The following ADAMTSL3 variants were observed in gnomAD, a reference collection of about 807,000 sequenced individuals.
The protein encoded by ADAMTSL3 is ADAMTS like 3.
A neutral mutation model predicts 201.7 loss-of-function variants in ADAMTSL3; 128 were observed. The observed-to-expected ratio is 0.63, with a 90% CI of 0.55 to 0.73. ADAMTSL3 has a LOEUF of 0.73. Among genes scored for constraint, ADAMTSL3 ranks in the 30% least tolerant of loss-of-function variants. The pLI is 0.00. For missense variants in ADAMTSL3, 1,990 were observed against 2,119.6 expected (o/e 0.94, Z 1.20); for synonymous variants, 738 against 748.4 (o/e 0.99, Z 0.23).
rs958694777 is a variant in ADAMTSL3, at chr15:84,037,935, T to C, written c.*129T>C. The C allele has an allele frequency of 7.4e-7, 1 of 1,347,032 alleles. No individual in the cohort carries two copies. Among genetic ancestry groups the C allele is most frequent in the Non-Finnish European group, 9.8e-7 (1 of 1,022,980 alleles). The allele number at this position is 1,347,032 out of a possible 1,614,324, so 83.4% of individuals were successfully genotyped here. A position where few individuals can be genotyped will look rare whatever the true frequency, so the allele number is the denominator to read the frequency against. On this transcript the variant is annotated 3_prime_UTR_variant, in exon 30 of 30. Coordinates refer to ENST00000286744, the MANE Select transcript of ADAMTSL3 (RefSeq NM_207517.3). ...ATTCTATGGATCAAACAGAGGTTGATGCAAAAACACCACTGTTAAGGTGTA... is the reference window on the plus strand; with the variant it reads ...ATTCTATGGATCAAACAGAGGTTGACGCAAAAACACCACTGTTAAGGTGTA...
chr15:83,885,127 C>A lies in ADAMTSL3; in HGVS notation c.987C>A (p.Ser329Arg). 6.2e-7 allele frequency: 1 copy of A among 1,613,994 alleles called. No individual in the cohort carries two copies. The highest frequency in any genetic ancestry group is 8.5e-7 in the Non-Finnish European group (1 of 1,179,926). The change falls in exon 10 of 30, where the codon AGC becomes AGA. Residue 329 changes from serine (S) to arginine (R), a missense_variant. Coordinates refer to ENST00000286744, the MANE Select transcript of ADAMTSL3 (RefSeq NM_207517.3). ...FKTRYTAAKD[S>R]VVQFFFYQPI... is the part of the protein sequence containing the mutation. The stretch of plus-strand genomic sequence containing the variant: ...CCAGGTACACTGCAGCCAAAGACAG[C>A]GTGGTTCAGTTCTTCTTTTACCAGC...
intron 7 of ADAMTSL3, among the ~76,000 whole-genome samples, chr15:83,841,360 G>T (rs1330800602): frequency 6.6e-6 from 1 of 152,178 alleles, no homozygotes; most frequent in Non-Finnish European, 1.5e-5. Context: ...TTGGGAAGTG[G>T]TTAAGAAATT....
intron 7 of ADAMTSL3, among the ~76,000 whole-genome samples, chr15:83,858,360 T>A (rs1265654383): frequency 1.3e-5 from 2 of 152,180 alleles, no homozygotes; most frequent in African/African-American, 4.8e-5. Context: ...ACATAGTTTG[T>A]GATTTCCAAA....
At chr15:83,755,425 T>A (rs547535243) in intron 3 of ADAMTSL3, among the ~76,000 whole-genome samples, 3 of 152,090 alleles carry the variant, frequency 2.0e-5, no homozygotes, top group Admixed American at 2.0e-4. Context: ...CCCTATTCTC[T>A]CCTCCCCCAG....
chr15:83,836,291 C>A (rs1462979838), intron 6 of ADAMTSL3, among the ~76,000 whole-genome samples: 4 of 152,090 alleles, frequency 2.6e-5, no homozygotes, highest in Admixed American at 6.5e-5. Context: ...TCATATTGAA[C>A]CAAATTATGC....
chr15:83,872,598 CCA>C (rs149299146), intron 9 of ADAMTSL3, among the ~76,000 whole-genome samples: 15 of 46,430 alleles, frequency 3.2e-4, no homozygotes, highest in Admixed American at 6.5e-4. Context: ...AAAATATACA[CCA>C]CACACACACA....
intron 8 of ADAMTSL3, among the ~76,000 whole-genome samples, chr15:83,863,723 A>G (rs1453915176): frequency 3.3e-5 from 5 of 152,238 alleles, no homozygotes; most frequent in Admixed American, 6.5e-5. Context: ...GCAAGAGCAA[A>G]CACATTCAAA....
chr15:83,801,620 G>A (rs1369058032), intron 4 of ADAMTSL3, among the ~76,000 whole-genome samples: 2 of 97,990 alleles, frequency 2.0e-5, no homozygotes, highest in African/African-American at 7.4e-5. Flanking sequence ...AAAGGTCAAT[G>A]AAATTTTATA....
intron 7 of ADAMTSL3, among the ~76,000 whole-genome samples, chr15:83,854,628 A>C (rs937692211): frequency 6.6e-6 from 1 of 152,218 alleles, no homozygotes; most frequent in African/African-American, 2.4e-5. Flanking sequence ...AGTCTTTCAC[A>C]CAATGGCTTT....
At chr15:83,757,510 A>G (rs1308979041) in intron 3 of ADAMTSL3, among the ~76,000 whole-genome samples, 1 of 152,204 alleles carries the variant, frequency 6.6e-6, no homozygotes, top group Non-Finnish European at 1.5e-5. Flanking sequence ...GCCCTGGCCC[A>G]TGAAACCATT....
chr15:83,692,643 G>A (rs1342591870), intron 2 of ADAMTSL3, among the ~76,000 whole-genome samples: 1 of 134,766 alleles, frequency 7.4e-6, no homozygotes, highest in African/African-American at 2.9e-5. Flanking sequence ...CTGAGATCGC[G>A]CCACTGCACT....
chr15:83,704,659 GT>G, intron 3 of ADAMTSL3, 151 bp downstream of exon 3: 1 of 1,042,816 alleles, frequency 9.6e-7, no homozygotes, highest in Non-Finnish European at 1.4e-6. Context: ...CCCAGAATAT[GT>G]GGATTGCCCA....
At chr15:83,839,730 G>C (rs2064339384) in intron 7 of ADAMTSL3, among the ~76,000 whole-genome samples, 1 of 152,118 alleles carries the variant, frequency 6.6e-6, no homozygotes, top group Non-Finnish European at 1.5e-5. Flanking sequence ...GTAATTCTTT[G>C]AATGACAGCT....
rs117019257 is a variant in ADAMTSL3, at chr15:83,839,567, G to A, written c.727+1352G>A. ...ATGGAGGCTGGATTACCTGTCAGAT[G>A]AGCTTGGAAGCAGGTAGTCCAAATA... On this transcript the variant is annotated intron_variant, in intron 7 of 29. Transcript: ENST00000286744. Among the ~76,000 whole-genome samples, 548 of 152,290 alleles carry A rather than the reference G, an allele frequency of 3.6e-3. 5 individuals are homozygous for A. The highest frequency in any genetic ancestry group is 6.2e-3 in the Non-Finnish European group (421 of 68,028).
intron 19 of ADAMTSL3, among the ~76,000 whole-genome samples, chr15:83,952,805 CAAAAAA>C (rs59518430): frequency 8.9e-6 from 1 of 111,732 alleles, no homozygotes; most frequent in Non-Finnish European, 1.8e-5. Flanking sequence ...GATTCCACCT[CAAAAAA>C]AAAAAAAAAA....
intron 23 of ADAMTSL3, among the ~76,000 whole-genome samples, chr15:83,992,828 C>T (rs147370315): frequency 6.5e-4 from 99 of 152,320 alleles, no homozygotes; most frequent in African/African-American, 2.3e-3. Context: ...TCTGACCCTC[C>T]CCAGCCCCAC....
intron 21 of ADAMTSL3, among the ~76,000 whole-genome samples, chr15:83,988,244 C>T (rs1027360727): frequency 2.6e-5 from 4 of 152,186 alleles, no homozygotes; most frequent in African/African-American, 9.7e-5. Context: ...GCAAAGCAGC[C>T]TTAGCCAAAG....
Position 84,022,548 on chromosome 15 carries a change from T to C in ADAMTSL3, c.4457+955T>C, listed in dbSNP as rs7175082. 3.1e-3 allele frequency among the ~76,000 whole-genome samples: 465 copies of C among 152,366 alleles called. 1 individual carries two copies. The highest frequency in any genetic ancestry group is 0.011 in the African/African-American group (446 of 41,592). ...TGTCCAACTAAAAATATATTTTACA[T>C]TTTTGCTTTGCAAATGATGCCATGT... On this transcript the variant is annotated intron_variant, in intron 26 of 29. Coordinates refer to ENST00000286744, the MANE Select transcript of ADAMTSL3 (RefSeq NM_207517.3).
chr15:83,823,041 GA>G (rs2063919336), intron 6 of ADAMTSL3, among the ~76,000 whole-genome samples: 1 of 151,920 alleles, frequency 6.6e-6, no homozygotes, highest in African/African-American at 2.4e-5. Flanking sequence ...AAAAAAATAC[GA>G]AAACCAGTCA....
Sources: gnomAD v4.1 joint callset for allele counts (sites outside exome capture counted in the v4.1 genomes callset) on GRCh38, gnomAD v4.1.1 for gene constraint, MANE v1.5 for transcripts, NCBI Gene and HGNC (gene_info 2026-07-23, HGNC 2026-07-21) for gene names.